Variants in NELL1 observed in about 807,000 individuals in gnomAD.
NELL1 encodes the protein neural EGFL like 1.
In NELL1, 76 loss-of-function variants were observed where a neutral mutation model predicts 107.4. The ratio of observed to expected loss-of-function variants is 0.71; its 90% CI spans 0.59 to 0.86. The LOEUF (loss-of-function observed/expected upper bound fraction) is 0.86, where lower values mean the gene tolerates loss of function less well. NELL1 is among the 40% of genes least tolerant of loss of function. NELL1 has a pLI of 0.00. For synonymous variants in NELL1, 353 were observed against 341.2 expected (o/e 1.03, Z -0.38); for missense variants, 1,024 against 1,005.5 (o/e 1.02, Z -0.25).
chr11:21,342,297 A>G (rs572760709), intron 14 of NELL1, among the ~76,000 whole-genome samples: 2 of 151,736 alleles, frequency 1.3e-5, no homozygotes, highest in South Asian at 2.1e-4. Flanking sequence ...CCCTTCTTTC[A>G]CTTTAACATG....
rs373508545 is a variant in NELL1 at position 21,388,196 on chromosome 11, G to A, written c.1645+17248G>A. On this transcript the variant is annotated intron_variant, in intron 15 of 19. Transcript: ENST00000357134. ...TTTATATTGAAAGTGTCAGAAAGAT[G>A]ACATTGTAATACCTGTAGCCACAGG... 1.8e-3 allele frequency among the ~76,000 whole-genome samples: 267 copies of A among 151,678 alleles called. 9 individuals carry two copies. In the South Asian group the frequency reaches 0.053, roughly 30 times the overall value.
At chr11:20,777,464 T>C (rs547821121) in intron 2 of NELL1, among the ~76,000 whole-genome samples, 1 of 152,334 alleles carries the variant, frequency 6.6e-6, no homozygotes, top group South Asian at 2.1e-4. Flanking sequence ...TTCTGTTTTT[T>C]TGAAAGCTGC....
intron 13 of NELL1, among the ~76,000 whole-genome samples, chr11:21,196,317 C>T (rs1364686204): frequency 6.6e-6 from 1 of 152,142 alleles, no homozygotes; most frequent in Non-Finnish European, 1.5e-5. Flanking sequence ...GAATATAATC[C>T]AGATGGCTTA....
At chr11:21,303,602 A>G (rs75700468) in intron 14 of NELL1, among the ~76,000 whole-genome samples, 3,312 of 152,122 alleles carry the variant, frequency 0.022, 129 homozygotes, top group African/African-American at 0.076. Context: ...CAGCGTGGAG[A>G]TTTCTCAAAG....
At chr11:21,099,224 CACACACACAA>C (rs1427083416) in intron 12 of NELL1, among the ~76,000 whole-genome samples, 113 of 140,888 alleles carry the variant, frequency 8.0e-4, no homozygotes, top group African/African-American at 2.7e-3. Context: ...CACACACACA[CACACACACAA>C]ACACACACAC....
intron 4 of NELL1, among the ~76,000 whole-genome samples, chr11:20,860,504 G>A (rs1485246537): frequency 6.6e-6 from 1 of 152,142 alleles, no homozygotes; most frequent in Non-Finnish European, 1.5e-5. Context: ...CCTCATCTGT[G>A]TAGGCATCAT....
chr11:21,315,535 A>G lies in NELL1; in HGVS notation c.1550-55318A>G, dbSNP rs188413387. ...GTCACTCTGCTTAAGGTAATGCTTA[A>G]CAAATGTCTGATGAAGGTCACTGAA... is the stretch of plus-strand genomic sequence containing the variant. On this transcript the variant is annotated intron_variant, in intron 14 of 19. Coordinates refer to ENST00000357134, the MANE Select transcript of NELL1 (RefSeq NM_006157.5). Among the ~76,000 whole-genome samples the G allele has an allele frequency of 4.7e-3, 718 of 152,328 alleles. 7 individuals are homozygous for G. Among genetic ancestry groups the G allele is most frequent in the African/African-American group, 0.017 (695 of 41,568 alleles).
At chr11:21,143,100 T>C (rs1855903162) in intron 13 of NELL1, among the ~76,000 whole-genome samples, 1 of 152,214 alleles carries the variant, frequency 6.6e-6, no homozygotes, top group Non-Finnish European at 1.5e-5. Context: ...TGTATGCACG[T>C]GAGTCTCCAG....
intron 2 of NELL1, among the ~76,000 whole-genome samples, chr11:20,712,855 AC>A (rs1855147885): frequency 6.6e-6 from 1 of 152,222 alleles, no homozygotes; most frequent in South Asian, 2.1e-4. Flanking sequence ...AGCTGTGGAT[AC>A]CAGCACCTGC....
intron 12 of NELL1, among the ~76,000 whole-genome samples, chr11:21,039,342 C>T (rs1853171140): frequency 6.6e-6 from 1 of 152,068 alleles, no homozygotes; most frequent in Non-Finnish European, 1.5e-5. Context: ...TGTATCACAA[C>T]ACCTGGCTAA....
intron 2 of NELL1, among the ~76,000 whole-genome samples, chr11:20,755,873 T>A (rs1164104950): frequency 2.4e-4 from 1 of 4,222 alleles, no homozygotes; most frequent in African/African-American, 5.9e-4. Context: ...CGGTTTTTTT[T>A]TTTTTTTTTT....
At chr11:21,222,794 T>A (rs559570083) in intron 13 of NELL1, among the ~76,000 whole-genome samples, 164 of 152,292 alleles carry the variant, frequency 1.1e-3, no homozygotes, top group African/African-American at 3.8e-3. Context: ...GACCCAGTGG[T>A]CATTCAGGAA....
chr11:21,192,047 T>G (rs1448375186), intron 13 of NELL1, among the ~76,000 whole-genome samples: 1 of 151,788 alleles, frequency 6.6e-6, no homozygotes, highest in Non-Finnish European at 1.5e-5. Flanking sequence ...TGGTACTGAG[T>G]AGTAAGTTCT....
rs985502433 is a variant in NELL1, at chr11:20,976,126, T to C, written c.1300+15566T>C. ...CACATATCTGTACATATATGTATTATGTATACACATGTACACACATGTATA... is the reference window on the plus strand; with the variant it reads ...CACATATCTGTACATATATGTATTACGTATACACATGTACACACATGTATA... On this transcript the variant is annotated intron_variant, in intron 12 of 19. Coordinates refer to ENST00000357134, the MANE Select transcript of NELL1 (RefSeq NM_006157.5). Among the ~76,000 whole-genome samples, 4 of 108,674 alleles carry C rather than the reference T, an allele frequency of 3.7e-5. No individual in the cohort carries two copies. In the East Asian group the frequency reaches 9.5e-4, roughly 26 times the overall value. The allele number at this position is 108,674 out of a possible 152,430, so 71.3% of individuals were successfully genotyped here.
Position 20,690,285 on chromosome 11 carries a change from A to G in NELL1, c.184+12225A>G, listed in dbSNP as rs1854427320. On this transcript the variant is annotated intron_variant, in intron 2 of 19. Coordinates refer to ENST00000357134, the MANE Select transcript of NELL1 (RefSeq NM_006157.5). ...TTGCTGTGCAGAAGCTCTTTAGTTT[A>G]ATTAGATCCCATTTGTCAACTTTGG... is the stretch of plus-strand genomic sequence containing the variant. Among the ~76,000 whole-genome samples the G allele has an allele frequency of 2.0e-5, 3 of 152,084 alleles. No homozygotes were observed. The South Asian group carries it at 6.2e-4, about 32-fold the overall frequency.
chr11:21,096,821 C>T (rs1428238806), intron 12 of NELL1, among the ~76,000 whole-genome samples: 2 of 152,096 alleles, frequency 1.3e-5, no homozygotes, highest in African/African-American at 4.8e-5. Context: ...AGTGATTCTC[C>T]CACCTCAGCC....
chr11:21,157,225 T>A (rs768124675), intron 13 of NELL1, among the ~76,000 whole-genome samples: 10 of 151,502 alleles, frequency 6.6e-5, no homozygotes, highest in Admixed American at 1.3e-4. Flanking sequence ...AAATGAAACA[T>A]CCCCATGTAT....
chr11:21,215,819 G>C (rs1182082629), intron 13 of NELL1, among the ~76,000 whole-genome samples: 1 of 152,180 alleles, frequency 6.6e-6, no homozygotes, highest in East Asian at 1.9e-4. Context: ...TGAAAGTTTG[G>C]ATAATTTGCA....
intron 17 of NELL1, among the ~76,000 whole-genome samples, chr11:21,563,753 A>G (rs900913370): frequency 6.6e-6 from 1 of 151,946 alleles, no homozygotes; most frequent in Non-Finnish European, 1.5e-5. Context: ...CCCCAGAGAT[A>G]CTGAGGGACG....
Sources: gnomAD v4.1 joint callset for allele counts (sites outside exome capture counted in the v4.1 genomes callset) on GRCh38, gnomAD v4.1.1 for gene constraint, MANE v1.5 for transcripts, NCBI Gene and HGNC (gene_info 2026-07-23, HGNC 2026-07-21) for gene names.